Variants in MCTP1 observed in about 807,000 individuals in gnomAD.
The protein encoded by MCTP1 is multiple C2 and transmembrane domain-containing protein 1.
Under a neutral mutation model 120.6 loss-of-function variants are expected in MCTP1, and 69 were observed. The observed-to-expected ratio is 0.57, with a 90% CI of 0.47 to 0.70. The LOEUF is 0.70. Ranked by LOEUF, MCTP1 falls within the 30% of genes least tolerant of loss-of-function variation. The pLI is 0.00. For missense variants in MCTP1, 1,203 were observed against 1,248.8 expected, an observed-to-expected ratio of 0.96 and a Z score of 0.55; for synonymous variants, 529 against 493.1, an observed-to-expected ratio of 1.07 and a Z score of -0.96.
intron 19 of MCTP1, among the ~76,000 whole-genome samples, chr5:94,749,883 G>A (rs925062618): frequency 6.6e-6 from 1 of 152,102 alleles, no homozygotes; most frequent in African/African-American, 2.4e-5. Context: ...TGGAAGCAAT[G>A]AGGCTACAGA....
chr5:94,737,784 T>C (rs11955417), intron 19 of MCTP1, among the ~76,000 whole-genome samples: 39,191 of 152,080 alleles, frequency 0.26, 5,222 homozygotes, highest in East Asian at 0.35. Flanking sequence ...CAAGTGATTC[T>C]CCTGCTTCAA....
At chr5:94,936,405 C>T (rs547814481) in intron 5 of MCTP1, among the ~76,000 whole-genome samples, 10 of 152,080 alleles carry the variant, frequency 6.6e-5, no homozygotes, top group Middle Eastern at 3.4e-3. Flanking sequence ...AAAGCCTGGA[C>T]TTGAGAGAAG....
chr5:95,108,366 C>A (rs1248839387), intron 1 of MCTP1, among the ~76,000 whole-genome samples: 4 of 152,166 alleles, frequency 2.6e-5, no homozygotes, highest in Non-Finnish European at 4.4e-5. Context: ...GGTCCTAGAC[C>A]TTGACACATC....
intron 12 of MCTP1, among the ~76,000 whole-genome samples, chr5:94,878,871 T>C (rs748034640): frequency 6.7e-6 from 1 of 149,878 alleles, no homozygotes; most frequent in Non-Finnish European, 1.5e-5. Context: ...AGAAAAGGGG[T>C]TTGGAGAGGG....
intron 2 of MCTP1, among the ~76,000 whole-genome samples, chr5:94,993,921 T>G (rs975709095): frequency 1.3e-5 from 2 of 152,210 alleles, no homozygotes; most frequent in African/African-American, 4.8e-5. Flanking sequence ...CTAAATTGAC[T>G]AAACGGTTTT....
chr5:95,045,519 C>G (rs13181869), intron 1 of MCTP1, among the ~76,000 whole-genome samples: 115,279 of 152,050 alleles, frequency 0.76, 46,644 homozygotes, highest in Non-Finnish European at 0.92. Context: ...TAGAGGCCTA[C>G]GGCTTAGAGA....
At chr5:95,039,765 T>C (rs1226309864) in intron 1 of MCTP1, among the ~76,000 whole-genome samples, 1 of 146,832 alleles carries the variant, frequency 6.8e-6, no homozygotes. Context: ...GCTAAGCAAA[T>C]ACAATGCAAA....
chr5:95,059,768 T>A (rs1748441338), intron 1 of MCTP1, among the ~76,000 whole-genome samples: 1 of 152,162 alleles, frequency 6.6e-6, no homozygotes, highest in African/African-American at 2.4e-5. Context: ...GTGACAGTGG[T>A]CATGGGATGG....
chr5:94,823,396 G>A (rs546535012), intron 17 of MCTP1, among the ~76,000 whole-genome samples: 4 of 152,264 alleles, frequency 2.6e-5, no homozygotes, highest in Middle Eastern at 3.4e-3. Context: ...CTGTTCCATT[G>A]ATCTATATAT....
chr5:95,280,533 T>C (rs1217389495), intron 1 of MCTP1, among the ~76,000 whole-genome samples: 1 of 152,206 alleles, frequency 6.6e-6, no homozygotes, highest in Non-Finnish European at 1.5e-5. Flanking sequence ...TGGCATATTT[T>C]TGATATGCAC....
At chr5:95,021,947 T>C (rs1581883840) in intron 1 of MCTP1, among the ~76,000 whole-genome samples, 2 of 152,188 alleles carry the variant, frequency 1.3e-5, no homozygotes, top group Admixed American at 1.3e-4. Flanking sequence ...AAAAAAGCAC[T>C]GCTGAATTTT....
At chr5:95,081,406 T>A in intron 1 of MCTP1, 1 of 1,607,518 alleles carries the variant, frequency 6.2e-7, no homozygotes, top group Non-Finnish European at 8.5e-7. Flanking sequence ...ATCCAGTGAG[T>A]AAACCAAAAT....
At chr5:94,926,564 A>G (rs977817482) in intron 6 of MCTP1, among the ~76,000 whole-genome samples, 2 of 152,166 alleles carry the variant, frequency 1.3e-5, no homozygotes, top group Non-Finnish European at 2.9e-5. Flanking sequence ...ATCCTGACAA[A>G]ATTATAAATC....
In MCTP1 at chr5:95,276,251, A is replaced by ATTTTTTTTTT. The variant is rs34667866; in HGVS notation, c.720+7595_720+7604dup. On this transcript the variant is annotated intron_variant, in intron 1 of 22. Coordinates refer to ENST00000515393, the MANE Select transcript of MCTP1 (RefSeq NM_024717.7). ...GACAGGATTCTTGGTCAATATTGGG[A>ATTTTTTTTTT]TTTTTTTTTTTTTTTTTTTTTTTTT... 7.1e-5 allele frequency among the ~76,000 whole-genome samples: 6 copies of ATTTTTTTTTT among 84,740 alleles called. 1 individual carries two copies. The highest frequency in any genetic ancestry group is 2.8e-4 in the African/African-American group (6 of 21,068). The allele number at this position is 84,740 out of a possible 152,430, so 55.6% of individuals were successfully genotyped here. A position where few individuals can be genotyped will look rare whatever the true frequency, so the allele number is the denominator to read the frequency against.
chr5:94,739,576 C>G (rs942655724), intron 19 of MCTP1: 1 of 152,182 alleles, frequency 6.6e-6, no homozygotes, highest in Non-Finnish European at 1.5e-5. Context: ...TTTGGCATCT[C>G]AAATCGCAAT....
chr5:95,005,785 T>A (rs1249898392), intron 2 of MCTP1, among the ~76,000 whole-genome samples: 2 of 138,438 alleles, frequency 1.4e-5, no homozygotes, highest in Non-Finnish European at 3.1e-5. Context: ...TTTTTTTTTT[T>A]ACCAAGTCTC....
At chr5:94,987,110 AC>A (rs1214236215) in intron 2 of MCTP1, among the ~76,000 whole-genome samples, 1 of 151,636 alleles carries the variant, frequency 6.6e-6, no homozygotes, top group African/African-American at 2.4e-5. Flanking sequence ...AATATTTTCA[AC>A]CCCCAGTTGG....
intron 1 of MCTP1, among the ~76,000 whole-genome samples, chr5:95,114,550 CG>C (rs1420738524): frequency 1.3e-5 from 2 of 152,250 alleles, no homozygotes; most frequent in African/African-American, 4.8e-5. Context: ...TGGTGGCCAC[CG>C]GGTGAGGCTC....
rs72775358 is a variant in MCTP1, at chr5:94,861,859, G to A, written c.2436+6474C>T. 4.6e-3 allele frequency among the ~76,000 whole-genome samples: 692 copies of A among 151,790 alleles called. 1 individual carries two copies. Among genetic ancestry groups the A allele is most frequent in the Non-Finnish European group, 8.0e-3 (541 of 67,816 alleles). On this transcript the variant is annotated intron_variant, in intron 17 of 22. Transcript: ENST00000515393. ...TTTAAAGGGTCTTATAAAGGTCTGG[G>A]GGGCTGAAACTACCAGATAAGTAAT... is the stretch of plus-strand genomic sequence containing the variant.
Sources: allele counts gnomAD v4.1 joint callset (sites outside exome capture counted in the v4.1 genomes callset), GRCh38; gene constraint gnomAD v4.1.1; transcripts MANE v1.5; gene names NCBI Gene and HGNC (gene_info 2026-07-23, HGNC 2026-07-21).